Variants in FRMD5 observed in about 807,000 individuals in gnomAD.
FRMD5 encodes the protein FERM domain-containing protein 5.
FRMD5 carries 20 observed loss-of-function variants against 69.0 expected under a neutral mutation model. The ratio of observed to expected loss-of-function variants is 0.29; its 90% CI spans 0.20 to 0.42. The LOEUF is 0.42. FRMD5 is among the 10% of genes least tolerant of loss of function. The probability of loss-of-function intolerance (pLI) is 1.00; values close to 1 mark genes in which losing one functional copy is unlikely to be tolerated. For synonymous variants in FRMD5, 271 were observed against 260.1 expected, an observed-to-expected ratio of 1.04 and a Z score of -0.40; for missense variants, 595 against 708.6, an observed-to-expected ratio of 0.84 and a Z score of 1.82.
Position 43,924,084 on chromosome 15 carries a change from AAC to A in FRMD5, c.207+119_207+120del, listed in dbSNP as rs1227924419. On this transcript the variant is annotated intron_variant, in intron 2 of 13. Coordinates refer to ENST00000417257, the MANE Select transcript of FRMD5 (RefSeq NM_032892.5). ...GCTATGATCTGAAGAGACGACATCCAACTGCAGGGTCTGGTTGGTCCCTGATT... is the reference window on the plus strand; with the variant it reads ...GCTATGATCTGAAGAGACGACATCCATGCAGGGTCTGGTTGGTCCCTGATT... 19 of 773,526 alleles carry A rather than the reference AAC, an allele frequency of 2.5e-5. No homozygotes were observed. The East Asian group carries it at 4.6e-4, about 19-fold the overall frequency. The allele number at this position is 773,526 out of a possible 1,614,324, so 47.9% of individuals were successfully genotyped here. A position where few individuals can be genotyped will look rare whatever the true frequency, so the allele number is the denominator to read the frequency against.
chr15:44,199,183 C>T (rs979503942), upstream of FRMD5, among the ~76,000 whole-genome samples: 2 of 152,094 alleles, frequency 1.3e-5, no homozygotes, highest in African/African-American at 4.8e-5. Context: ...CAGGCCCTTC[C>T]CATCAAAGTT....
At chr15:43,883,450 C>A in intron 13 of FRMD5, among the ~76,000 whole-genome samples, 1 of 152,114 alleles carries the variant, frequency 6.6e-6, no homozygotes, top group East Asian at 1.9e-4. Context: ...ACCTATAGAT[C>A]CCACATATGC....
At chr15:44,052,406 A>G (rs888004852) in intron 1 of FRMD5, among the ~76,000 whole-genome samples, 2 of 152,112 alleles carry the variant, frequency 1.3e-5, no homozygotes, top group Non-Finnish European at 2.9e-5. Flanking sequence ...TCCTGTCCCC[A>G]TCCTAGAATC....
intron 1 of FRMD5, among the ~76,000 whole-genome samples, chr15:43,976,331 T>C (rs1399706887): frequency 6.6e-6 from 1 of 152,198 alleles, no homozygotes; most frequent in Non-Finnish European, 1.5e-5. Flanking sequence ...CAAAAGAAAC[T>C]GTTGAGAGAA....
At chr15:43,919,285 G>T in intron 4 of FRMD5, 174 bp downstream of exon 4, 2 of 767,140 alleles carry the variant, frequency 2.6e-6, no homozygotes, top group South Asian at 1.4e-5. Flanking sequence ...ACTGCACTGA[G>T]GGGTACGCGA....
intron 1 of FRMD5, among the ~76,000 whole-genome samples, chr15:44,041,685 G>A (rs900017799): frequency 1.3e-5 from 2 of 152,130 alleles, no homozygotes; most frequent in African/African-American, 4.8e-5. Flanking sequence ...TGACTACTGG[G>A]TACATAATGA....
intron 5 of FRMD5, among the ~76,000 whole-genome samples, chr15:43,906,992 C>G (rs1205814864): frequency 6.6e-6 from 1 of 152,116 alleles, no homozygotes; most frequent in Non-Finnish European, 1.5e-5. Context: ...TATCTCTAAA[C>G]CTGGTAAGAT....
At chr15:44,191,310 C>G (rs535600956) in intron 1 of FRMD5, among the ~76,000 whole-genome samples, 1 of 152,072 alleles carries the variant, frequency 6.6e-6, no homozygotes, top group South Asian at 2.1e-4. Flanking sequence ...TATTCCTGGC[C>G]GGGTGCAGTG....
chr15:44,194,813 C>T (rs1377001424), intron 1 of FRMD5, 140 bp downstream of exon 1: 1 of 775,748 alleles, frequency 1.3e-6, no homozygotes, highest in Non-Finnish European at 2.2e-6. Flanking sequence ...TGCACTAGGG[C>T]GGTCCGCCGC....
At chr15:43,903,471 T>C (rs1159640415) in intron 6 of FRMD5, among the ~76,000 whole-genome samples, 1 of 152,206 alleles carries the variant, frequency 6.6e-6, no homozygotes, top group African/African-American at 2.4e-5. Flanking sequence ...GTATACAGTC[T>C]GTGCTCTCAA....
intron 1 of FRMD5, among the ~76,000 whole-genome samples, chr15:43,952,359 T>C (rs1447444259): frequency 6.6e-6 from 1 of 152,116 alleles, no homozygotes; most frequent in African/African-American, 2.4e-5. Flanking sequence ...CACAACCCAA[T>C]TGTTCTTTAT....
intron 1 of FRMD5, among the ~76,000 whole-genome samples, chr15:43,944,863 TTCC>T (rs1595544747): frequency 6.6e-6 from 1 of 152,236 alleles, no homozygotes; most frequent in Non-Finnish European, 1.5e-5. Context: ...TTCTGGAATT[TTCC>T]TCCTCATTTT....
intron 1 of FRMD5, among the ~76,000 whole-genome samples, chr15:44,186,604 T>C (rs2140590088): frequency 6.6e-6 from 1 of 152,344 alleles, no homozygotes; most frequent in South Asian, 2.1e-4. Flanking sequence ...TTATTTCAGG[T>C]CTTGGGCCTG....
intron 1 of FRMD5, among the ~76,000 whole-genome samples, chr15:44,015,336 C>T (rs1195991134): frequency 6.6e-6 from 1 of 151,992 alleles, no homozygotes; most frequent in Non-Finnish European, 1.5e-5. Flanking sequence ...GAGCTGGGGT[C>T]TCATTATGTT....
intron 1 of FRMD5, among the ~76,000 whole-genome samples, chr15:44,188,281 T>C (rs1483354306): frequency 6.6e-6 from 1 of 152,206 alleles, no homozygotes; most frequent in African/African-American, 2.4e-5. Flanking sequence ...TAGGTATGCA[T>C]ATCTGTAGAC....
At chr15:44,092,927 C>CTTTT (rs3040924) in intron 1 of FRMD5, among the ~76,000 whole-genome samples, 15 of 79,410 alleles carry the variant, frequency 1.9e-4, no homozygotes, top group African/African-American at 5.7e-4. Flanking sequence ...TATCCTCTGC[C>CTTTT]TTTTTTTTTT....
intron 1 of FRMD5, among the ~76,000 whole-genome samples, chr15:44,039,513 G>A (rs1220057298): frequency 6.6e-6 from 1 of 152,186 alleles, no homozygotes; most frequent in Non-Finnish European, 1.5e-5. Context: ...AGCCTCCACT[G>A]GTAATACTCA....
intron 1 of FRMD5, among the ~76,000 whole-genome samples, chr15:44,140,681 C>T (rs952401184): frequency 6.6e-6 from 1 of 151,710 alleles, no homozygotes; most frequent in African/African-American, 2.4e-5. Flanking sequence ...GAGTTGGAGA[C>T]CAGTCTGGGC....
At chr15:44,090,281 T>C (rs767345822) in intron 1 of FRMD5, among the ~76,000 whole-genome samples, 4 of 152,130 alleles carry the variant, frequency 2.6e-5, no homozygotes, top group Non-Finnish European at 5.9e-5. Context: ...ATGATGTAAA[T>C]AAAATCCCTA....
Sources: gnomAD v4.1 joint callset for allele counts (sites outside exome capture counted in the v4.1 genomes callset) on GRCh38, gnomAD v4.1.1 for gene constraint, MANE v1.5 for transcripts, NCBI Gene and HGNC (gene_info 2026-07-23, HGNC 2026-07-21) for gene names.